MRC2: variants seen among roughly 807,000 people sequenced by gnomAD.
The protein encoded by MRC2 is mannose receptor C-type 2.
In MRC2, 84 loss-of-function variants were observed where a neutral mutation model predicts 206.2. That is an observed-to-expected ratio of 0.41 (90% confidence interval 0.34 to 0.49). The LOEUF is 0.49. Ranked by LOEUF, MRC2 falls within the 20% of genes least tolerant of loss-of-function variation. MRC2 has a pLI of 0.31. For missense variants in MRC2, 1,676 were observed against 2,001.5 expected (o/e 0.84, Z 3.10); for synonymous variants, 798 against 800.0 (o/e 1.00, Z 0.04).
chr17:62,677,474 G>C lies in MRC2; in HGVS notation c.2040G>C (p.Arg680=), dbSNP rs753862269. ...GCTGGGCCTCGGACACCAAACTCCG[G>C]TATTGCTATAAGGTAGGGCAGCCTG... ...PQGWASDTKL[R]YCYKVFSSER... The change falls in exon 12 of 30, where the codon CGG becomes CGC. Residue 680 remains arginine, a synonymous_variant. Transcript: ENST00000303375. The C allele has an allele frequency of 1.9e-6, 3 of 1,604,994 alleles. No individual in the cohort carries two copies. The highest frequency in any genetic ancestry group is 2.6e-6 in the Non-Finnish European group (3 of 1,174,756).
chr17:62,682,439 T>A (rs2088980509), intron 20 of MRC2, 62 bp downstream of exon 20: 1 of 1,533,188 alleles, frequency 6.5e-7, no homozygotes, highest in African/African-American at 1.4e-5. Flanking sequence ...AGGGAAAGGC[T>A]GAGCCTCAGG....
intron 1 of MRC2, among the ~76,000 whole-genome samples, chr17:62,653,432 G>A (rs983025816): frequency 6.6e-6 from 1 of 152,098 alleles, no homozygotes; most frequent in African/African-American, 2.4e-5. Context: ...GGTGACAGTC[G>A]CCTTCCCCAC....
intron 8 of MRC2, among the ~76,000 whole-genome samples, chr17:62,673,233 C>A (rs932285226): frequency 1.1e-4 from 17 of 152,138 alleles, no homozygotes; most frequent in African/African-American, 4.1e-4. Context: ...CAGAATGGAG[C>A]TTAGAGACAG....
At chr17:62,685,876 C>T (rs767146322) in intron 20 of MRC2, among the ~76,000 whole-genome samples, 1 of 152,182 alleles carries the variant, frequency 6.6e-6, no homozygotes, top group Non-Finnish European at 1.5e-5. Flanking sequence ...AGGGTGTTCA[C>T]TCCTTCACTG....
intron 20 of MRC2, among the ~76,000 whole-genome samples, chr17:62,686,101 A>C (rs1598996833): frequency 6.6e-6 from 1 of 152,122 alleles, no homozygotes; most frequent in African/African-American, 2.4e-5. Context: ...TTAGATTCTC[A>C]TAAGGAGCAC....
chr17:62,628,412 C>T (rs527670642), intron 1 of MRC2, among the ~76,000 whole-genome samples: 8 of 152,300 alleles, frequency 5.3e-5, no homozygotes, highest in African/African-American at 1.9e-4. Context: ...ACCTTCCCCC[C>T]GCCCCCTGCA....
chr17:62,688,567 G>T lies in MRC2; in HGVS notation c.3128G>T (p.Arg1043Met), dbSNP rs752212420. Residue 1043 changes from arginine to methionine, a missense_variant, in exon 22 of 30, where the codon AGG becomes ATG. Transcript: ENST00000303375. Reference protein sequence around the residue: ...DLWIGLHASQRDFQWVEQEPL... With the variant: ...DLWIGLHASQMDFQWVEQEPL... The stretch of plus-strand genomic sequence containing the variant: ...TGGATTGGCCTCCATGCCTCGCAGA[G>T]GGACTTCCAGTGGGTGGAGCAGGAG... 4 of 1,614,124 alleles carry T rather than the reference G, an allele frequency of 2.5e-6. No individual in the cohort carries two copies. The highest frequency in any genetic ancestry group is 1.7e-5 in the Admixed American group (1 of 60,012).
At position 62,674,277 on chromosome 17, in the gene MRC2, C is replaced by T. The variant is rs563929823; in HGVS notation, c.1569+107C>T. On this transcript the variant is annotated intron_variant, in intron 9 of 29. Transcript: ENST00000303375. ...GCTGCCTCGCATGGCATCGCCCTCT[C>T]GTCGGCACCCCCTTCCCTGAGCTCT... 4.3e-5 allele frequency: 32 copies of T among 750,882 alleles called. 1 individual carries two copies. In the East Asian group the frequency reaches 8.0e-4, roughly 19 times the overall value. 46.5% of individuals were successfully genotyped at this position (750,882 alleles called of 1,614,324 possible).
At chr17:62,676,570 G>C in intron 11 of MRC2, 39 bp downstream of exon 11, 1 of 1,550,240 alleles carries the variant, frequency 6.5e-7, no homozygotes. Context: ...GAAGCGAGGA[G>C]GGAGGCCAGG....
chr17:62,628,815 G>T (rs1395083916), intron 1 of MRC2, among the ~76,000 whole-genome samples: 2 of 152,150 alleles, frequency 1.3e-5, no homozygotes, highest in Admixed American at 1.3e-4. Context: ...CTTCCTGGGG[G>T]AGTGGGGGTG....
intron 2 of MRC2, among the ~76,000 whole-genome samples, chr17:62,665,413 C>CAA (rs533169133): frequency 0.061 from 7,197 of 118,196 alleles, 701 homozygotes; most frequent in African/African-American, 0.2. Flanking sequence ...CCCCCCCCCA[C>CAA]AAAAAAAAAA....
chr17:62,662,156 A>G (rs985322064), intron 1 of MRC2, among the ~76,000 whole-genome samples: 5 of 152,212 alleles, frequency 3.3e-5, no homozygotes, highest in African/African-American at 9.6e-5. Flanking sequence ...AGGCTGAGAC[A>G]GAAGAATCGC....
chr17:62,676,005 G>A (rs2088887633), intron 10 of MRC2, 100 bp downstream of exon 10: 3 of 969,526 alleles, frequency 3.1e-6, no homozygotes, highest in African/African-American at 3.3e-5. Context: ...TGCCCAGAGG[G>A]ACCTGGAGTC....
At chr17:62,674,244 G>C in intron 9 of MRC2, 74 bp downstream of exon 9, 2 of 1,106,960 alleles carry the variant, frequency 1.8e-6, no homozygotes, top group Admixed American at 2.6e-5. Flanking sequence ...AGAGGTGGAT[G>C]AACTCCTGCT....
Position 62,671,504 on chromosome 17 carries a change from A to C in MRC2, c.1118-145A>C, listed in dbSNP as rs2088825172. ...TTTGTGTTTTTTTAGCATTTCCAAG[A>C]CCTGTGGTGGGGACCGGGATTGATC... On this transcript the variant is annotated intron_variant, in intron 6 of 29. Coordinates refer to ENST00000303375, the MANE Select transcript of MRC2 (RefSeq NM_006039.5). The surrounding 1 kb of genome is among the most constrained non-coding windows in gnomAD (Gnocchi z 4.5). 1.5e-6 allele frequency: 1 copy of C among 680,918 alleles called. No individual in the cohort carries two copies. Among genetic ancestry groups the C allele is most frequent in the African/African-American group, 1.8e-5 (1 of 55,198 alleles). 42.2% of individuals were successfully genotyped at this position (680,918 alleles called of 1,614,324 possible). A position where few individuals can be genotyped will look rare whatever the true frequency, so the allele number is the denominator to read the frequency against.
intron 1 of MRC2, among the ~76,000 whole-genome samples, chr17:62,659,499 T>TCGCGCCCCTG (rs1331203464): frequency 6.6e-6 from 1 of 150,608 alleles, no homozygotes; most frequent in Non-Finnish European, 1.5e-5. Context: ...TGAGCAGAGA[T>TCGCGCCCCTG]CGCGCCACTG....
intron 1 of MRC2, among the ~76,000 whole-genome samples, chr17:62,636,363 G>A (rs2088318770): frequency 6.6e-6 from 1 of 151,284 alleles, no homozygotes; most frequent in Non-Finnish European, 1.5e-5. Flanking sequence ...TTACACACTA[G>A]CACAGGCCAC....
intron 1 of MRC2, among the ~76,000 whole-genome samples, chr17:62,642,417 C>T (rs2088418329): frequency 6.6e-6 from 1 of 152,188 alleles, no homozygotes; most frequent in African/African-American, 2.4e-5. Context: ...TTTGTTTCAG[C>T]TGGTGTCTAC....
rs61648461 is a variant in MRC2, at chr17:62,637,535, C to CAA, written c.118+9629_118+9630dup. 6.2e-3 allele frequency among the ~76,000 whole-genome samples: 848 copies of CAA among 136,568 alleles called. 7 individuals carry two copies. The highest frequency in any genetic ancestry group is 0.013 in the African/African-American group (506 of 37,784). The allele number at this position is 136,568 out of a possible 152,430, so 89.6% of individuals were successfully genotyped here. ...TGGGTAAAAGAGGAAGACTGTGTCTCAAAAAAAAAAAAAAAGAAAAGAAAA... is the reference window on the plus strand; with the variant it reads ...TGGGTAAAAGAGGAAGACTGTGTCTCAAAAAAAAAAAAAAAAAGAAAAGAAAA... On this transcript the variant is annotated intron_variant, in intron 1 of 29. Transcript: ENST00000303375.
Sources: gnomAD v4.1 joint callset for allele counts (sites outside exome capture counted in the v4.1 genomes callset) on GRCh38, gnomAD v4.1.1 for gene constraint, Gnocchi (gnomAD v3.1) non-coding constraint, MANE v1.5 for transcripts, NCBI Gene and HGNC (gene_info 2026-07-23, HGNC 2026-07-21) for gene names.